The following RPUSD4 variants were observed in gnomAD, a reference collection of about 807,000 sequenced individuals.
RPUSD4 encodes pseudouridylate synthase RPUSD4, mitochondrial.
A neutral mutation model predicts 35.4 loss-of-function variants in RPUSD4; 37 were observed. That is an observed-to-expected ratio of 1.04 (90% CI 0.80 to 1.37). The LOEUF (loss-of-function observed/expected upper bound fraction) is 1.37, where lower values mean the gene tolerates loss of function less well. Among genes scored for constraint, RPUSD4 ranks in the 40% most tolerant of loss-of-function variants. The probability of loss-of-function intolerance (pLI) is 0.00; values close to 1 mark genes in which losing one functional copy is unlikely to be tolerated. For missense variants in RPUSD4, 507 were observed against 484.9 expected, an observed-to-expected ratio of 1.05 and a Z score of -0.43; for synonymous variants, 210 against 192.7, an observed-to-expected ratio of 1.09 and a Z score of -0.74.
chr11:126,209,291 C>G (rs1027959790), intron 3 of RPUSD4: 1 of 493,168 alleles, frequency 2.0e-6, no homozygotes, highest in Admixed American at 3.6e-5. Flanking sequence ...ATGTCCACCC[C>G]ATGCTTGTAT....
At chr11:126,207,981 A>C (rs1169301263) in intron 3 of RPUSD4, among the ~76,000 whole-genome samples, 1 of 152,232 alleles carries the variant, frequency 6.6e-6, no homozygotes, top group Non-Finnish European at 1.5e-5. Flanking sequence ...AAACATGTAA[A>C]TTGATAGCCA....
At position 126,211,602 on chromosome 11, in the gene RPUSD4, T is replaced by G. The variant is rs773357089; in HGVS notation, c.37A>C (p.Ile13Leu). ...CCGCAACCTTGGCCGTTTCCCCGGA[T>G]CCAGGGGCCCGACGCGCTCCACCTG... ...APRWSASGPW[I>L]RGNGQGCGSL... The change falls in exon 1 of 7, where the codon ATC becomes CTC. Residue 13 changes from isoleucine to leucine, a missense_variant. By Grantham distance (5) the Ile-to-Leu change is conservative. Coordinates refer to ENST00000298317, the MANE Select transcript of RPUSD4 (RefSeq NM_032795.3). 1 of 1,614,020 alleles carries G rather than the reference T, an allele frequency of 6.2e-7. No homozygotes were observed. Among genetic ancestry groups the G allele is most frequent in the Non-Finnish European group, 8.5e-7 (1 of 1,180,018 alleles).
intron 5 of RPUSD4, 61 bp from the exon 6 acceptor site, chr11:126,204,389 G>A: frequency 1.6e-6 from 2 of 1,239,424 alleles, no homozygotes; most frequent in Non-Finnish European, 2.3e-6. Flanking sequence ...AACAATACCA[G>A]TATTGGCATC....
Position 126,203,475 on chromosome 11 carries a change from C to T in RPUSD4, c.1077G>A (p.Glu359=). 6.2e-7 allele frequency: 1 copy of T among 1,614,182 alleles called. No individual in the cohort carries two copies. The highest frequency in any genetic ancestry group is 8.5e-7 in the Non-Finnish European group (1 of 1,180,050). ...FVHSLHRLRL[E]MPNEDQNENN... The stretch of plus-strand genomic sequence containing the variant: ...TCTCATTTTGATCCTCATTTGGCAT[C>T]TCTAAACGCAGGCGGTGCAGGGAAT... The change falls in exon 7 of 7, where the codon GAG becomes GAA. Residue 359 remains glutamate, a synonymous_variant. Coordinates refer to ENST00000298317, the MANE Select transcript of RPUSD4 (RefSeq NM_032795.3).
rs627911 is a variant in RPUSD4, at chr11:126,202,793, C to T, written c.*625G>A. ...AGCTAACAGCTGTTAGACAGCATGC[C>T]GCTCCCCGCTACTGCCTTACACCCA... On this transcript the variant is annotated 3_prime_UTR_variant, in exon 7 of 7. Transcript: ENST00000298317. 110,750 of 152,186 alleles carry T rather than the reference C, an allele frequency of 0.73. 41,369 individuals are homozygous for T. Among genetic ancestry groups the T allele is most frequent in the East Asian group, 1 (5,167 of 5,180 alleles). 9.4% of individuals were successfully genotyped at this position (152,186 alleles called of 1,614,324 possible). A position where few individuals can be genotyped will look rare whatever the true frequency, so the allele number is the denominator to read the frequency against.
In RPUSD4 at chr11:126,203,261, C is replaced by T; in HGVS notation, c.*157G>A. The T allele has an allele frequency of 9.2e-7, 1 of 1,091,602 alleles. No individual in the cohort carries two copies. The highest frequency in any genetic ancestry group is 1.6e-5 in the African/African-American group (1 of 63,930). The allele number at this position is 1,091,602 out of a possible 1,614,324, so 67.6% of individuals were successfully genotyped here. On this transcript the variant is annotated 3_prime_UTR_variant, in exon 7 of 7. Transcript: ENST00000298317. ...CCCTGTAGCAGCTGAGTTGCTTTAC[C>T]TTATCCCACCTGGCTCTTACGCAGT...
intron 2 of RPUSD4, among the ~76,000 whole-genome samples, chr11:126,210,391 T>A (rs952580703): frequency 6.6e-6 from 1 of 152,212 alleles, no homozygotes; most frequent in Non-Finnish European, 1.5e-5. Context: ...ATGCATTTTT[T>A]AAATCAATCT....
chr11:126,204,137 G>T, intron 6 of RPUSD4, 94 bp downstream of exon 6: 1 of 876,798 alleles, frequency 1.1e-6, no homozygotes, highest in Non-Finnish European at 1.9e-6. Context: ...AAGACAATCA[G>T]TAGGCTTTGT....
chr11:126,211,474 C>T lies in RPUSD4; in HGVS notation c.165G>A (p.Arg55=). 6.2e-7 allele frequency: 1 copy of T among 1,613,826 alleles called. No homozygotes were observed. Among genetic ancestry groups the T allele is most frequent in the Non-Finnish European group, 8.5e-7 (1 of 1,179,862 alleles). The change falls in exon 1 of 7, where the codon CGG becomes CGA. Residue 55 remains arginine (R), a synonymous_variant. Transcript: ENST00000298317. ...CCGGCTCCTTCTTTGTGTCTTGTTC[C>T]CGTTTCTGGGCTCGGAGCTTCTCCG... ...RLAEKLRAQK[R]EQDTKKEPVS...
In RPUSD4 at chr11:126,211,649, A is replaced by G. The variant is rs957350627; in HGVS notation, c.-11T>C. On this transcript the variant is annotated 5_prime_UTR_variant, in exon 1 of 7. Transcript: ENST00000298317. Reference sequence around the variant, plus strand: ...CCTGGGCGCCGCCATCTTACAAGGAAGGGCGGGGCGAGCCAAGACCACGTG... The same window carrying G: ...CCTGGGCGCCGCCATCTTACAAGGAGGGGCGGGGCGAGCCAAGACCACGTG... 2 of 1,610,002 alleles carry G rather than the reference A, an allele frequency of 1.2e-6. No individual in the cohort carries two copies. The highest frequency in any genetic ancestry group is 2.2e-5 in the South Asian group (2 of 90,840).
chr11:126,205,478 C>G lies in RPUSD4; in HGVS notation c.786G>C (p.Gln262His), dbSNP rs949733128. The G allele has an allele frequency of 6.2e-7, 1 of 1,614,272 alleles. No homozygotes were observed. ...AAGTGACACTCTCACCAGTGATGGGCTGGAGCTCCACGAGGGCGGAGGAGA... is the reference window on the plus strand; with the variant it reads ...AAGTGACACTCTCACCAGTGATGGGGTGGAGCTCCACGAGGGCGGAGGAGA... ...STLSSALVEL[Q>H]PITGIKHQLR... The change falls in exon 5 of 7, where the codon CAG becomes CAC. Residue 262 changes from glutamine to histidine, a missense_variant. By Grantham distance (24) the Gln-to-His change is conservative. Transcript: ENST00000298317.
At chr11:126,209,477 G>A in intron 3 of RPUSD4, 44 bp downstream of exon 3, 1 of 1,503,084 alleles carries the variant, frequency 6.7e-7, no homozygotes, top group Admixed American at 1.8e-5. Flanking sequence ...TGAAAGAAAT[G>A]CCTCCACTTA....
At position 126,204,344 on chromosome 11, in the gene RPUSD4, G is replaced by GAGAGAA. The variant is rs1565316184; in HGVS notation, c.797-22_797-17dup. The GAGAGAA allele has an allele frequency of 1.9e-6, 3 of 1,576,886 alleles. No homozygotes were observed. Among genetic ancestry groups the GAGAGAA allele is most frequent in the Non-Finnish European group, 2.6e-6 (3 of 1,153,626 alleles). ...TGTTTTATTCCTTAAAAGAGAGAGA[G>GAGAGAA]AGAGAAAGAGAGAAAACTCGTGAGG... On this transcript the variant is annotated splice_polypyrimidine_tract_variant and intron_variant, in intron 5 of 6. Transcript: ENST00000298317.
rs771259023 is a variant in RPUSD4 at position 126,204,217 on chromosome 11, C to A, written c.894+14G>T. ...CTCCCGTATCTGCTGCACATTGGGT[C>A]AAATTAGTATTACCTGGGGGGCCAA... On this transcript the variant is annotated intron_variant, in intron 6 of 6. Transcript: ENST00000298317. 1.4e-5 allele frequency: 22 copies of A among 1,585,342 alleles called. No homozygotes were observed. The highest frequency in any genetic ancestry group is 1.8e-5 in the Non-Finnish European group (21 of 1,155,470).
chr11:126,210,761 G>T, intron 2 of RPUSD4, 129 bp downstream of exon 2: 2 of 722,516 alleles, frequency 2.8e-6, no homozygotes, highest in Non-Finnish European at 2.1e-6. Context: ...TATATTGGAC[G>T]GTAGTTTACA....
rs1255818748 is a variant in RPUSD4, at chr11:126,209,520, C to T, written c.557+1G>A. 2 of 1,613,516 alleles carry T rather than the reference C, an allele frequency of 1.2e-6. No individual in the cohort carries two copies. The highest frequency in any genetic ancestry group is 2.2e-5 in the South Asian group (2 of 91,064). The stretch of plus-strand genomic sequence containing the variant: ...TCTACTGCCATCAGCAGGCCTCATA[C>T]CAGTACTTCTTCACCACCTGACGGG... On this transcript the variant is annotated splice_donor_variant, in intron 3 of 6. Transcript: ENST00000298317. LOFTEE classifies it high-confidence loss of function.
chr11:126,208,622 A>T (rs982387843), intron 3 of RPUSD4: 3 of 152,290 alleles, frequency 2.0e-5, no homozygotes, highest in South Asian at 2.1e-4. Flanking sequence ...AGAGGAAAAA[A>T]GTATAATGTA....
In RPUSD4 at chr11:126,203,466, A is replaced by G; in HGVS notation, c.1086T>C (p.Asn362=). Residue 362 remains asparagine (N), a synonymous_variant, in exon 7 of 7, where the codon AAT becomes AAC. Transcript: ENST00000298317. ...CTTCATTGTTCTCATTTTGATCCTCATTTGGCATCTCTAAACGCAGGCGGT... is the reference window on the plus strand; with the variant it reads ...CTTCATTGTTCTCATTTTGATCCTCGTTTGGCATCTCTAAACGCAGGCGGT... ...SLHRLRLEMP[N]EDQNENNEAK... 6.2e-7 allele frequency: 1 copy of G among 1,614,108 alleles called. No individual in the cohort carries two copies. Among genetic ancestry groups the G allele is most frequent in the Non-Finnish European group, 8.5e-7 (1 of 1,180,030 alleles).
At chr11:126,208,111 G>A (rs1305348947) in intron 3 of RPUSD4, among the ~76,000 whole-genome samples, 1 of 151,812 alleles carries the variant, frequency 6.6e-6, no homozygotes, top group Non-Finnish European at 1.5e-5. Context: ...ACTGCTGGTG[G>A]GAATGTAAAC....
Sources: gnomAD v4.1 joint callset for allele counts (sites outside exome capture counted in the v4.1 genomes callset) on GRCh38, gnomAD v4.1.1 for gene constraint, MANE v1.5 for transcripts, NCBI Gene and HGNC (gene_info 2026-07-23, HGNC 2026-07-21) for gene names.